GPATCH2: variants seen among roughly 807,000 people sequenced by gnomAD.
The protein encoded by GPATCH2 is G patch domain-containing protein 2.
A neutral mutation model predicts 58.0 loss-of-function variants in GPATCH2; 51 were observed. That is an observed-to-expected ratio of 0.88 (90% CI 0.70 to 1.11). The LOEUF (loss-of-function observed/expected upper bound fraction) is 1.11. Among genes scored for constraint, GPATCH2 ranks in the 50% most tolerant of loss-of-function variants. GPATCH2 has a pLI of 0.00. For missense variants in GPATCH2, 625 were observed against 652.2 expected (o/e 0.96, Z 0.45); for synonymous variants, 222 against 218.5 (o/e 1.02, Z -0.14).
At chr1:217,568,369 G>A (rs1246991743) in intron 5 of GPATCH2, among the ~76,000 whole-genome samples, 5 of 152,124 alleles carry the variant, frequency 3.3e-5, no homozygotes, top group Admixed American at 2.0e-4. Flanking sequence ...AAGGCCATGG[G>A]CACAGAGCTA....
chr1:217,557,967 T>C (rs1665727061), intron 5 of GPATCH2, among the ~76,000 whole-genome samples: 1 of 152,236 alleles, frequency 6.6e-6, no homozygotes, highest in Non-Finnish European at 1.5e-5. Context: ...TTCTGAATCA[T>C]GATCCACATC....
chr1:217,481,306 G>C (rs932904331), intron 8 of GPATCH2, among the ~76,000 whole-genome samples: 2 of 152,140 alleles, frequency 1.3e-5, no homozygotes, highest in Non-Finnish European at 2.9e-5. Context: ...AAAAATTAAA[G>C]TAAAACAAAT....
intron 5 of GPATCH2, among the ~76,000 whole-genome samples, chr1:217,577,875 G>A (rs1017580523): frequency 1.3e-5 from 2 of 151,918 alleles, no homozygotes; most frequent in African/African-American, 4.8e-5. Flanking sequence ...AGCCACCCGA[G>A]TAGCTGGGAT....
intron 5 of GPATCH2, among the ~76,000 whole-genome samples, chr1:217,564,706 A>G (rs574805307): frequency 6.6e-6 from 1 of 152,324 alleles, no homozygotes; most frequent in African/African-American, 2.4e-5. Flanking sequence ...GCTACAATCT[A>G]TTTCAGAAGT....
intron 1 of GPATCH2, among the ~76,000 whole-genome samples, chr1:217,626,010 G>A (rs185069102): frequency 2.2e-4 from 34 of 152,114 alleles, no homozygotes; most frequent in African/African-American, 6.3e-4. Flanking sequence ...TAGAACTCAA[G>A]GATAACTGAT....
intron 2 of GPATCH2, 104 bp from the exon 3 acceptor site, chr1:217,614,306 C>A (rs557662235): frequency 2.0e-5 from 13 of 665,510 alleles, no homozygotes; most frequent in South Asian, 3.7e-5. Context: ...TTAAGCCTGA[C>A]AAAGATCTGA....
chr1:217,515,777 A>G (rs1663109666), intron 5 of GPATCH2, among the ~76,000 whole-genome samples: 1 of 143,964 alleles, frequency 6.9e-6, no homozygotes, highest in Non-Finnish European at 1.5e-5. Context: ...TTAAAAAAAA[A>G]AAAGACCAGT....
intron 1 of GPATCH2, among the ~76,000 whole-genome samples, chr1:217,623,700 G>T (rs1429759665): frequency 6.6e-6 from 1 of 151,670 alleles, no homozygotes; most frequent in African/African-American, 2.4e-5. Flanking sequence ...TCAGGAATTT[G>T]AGACCAGCTT....
chr1:217,441,372 C>T (rs1402929701), intron 9 of GPATCH2, among the ~76,000 whole-genome samples: 1 of 151,980 alleles, frequency 6.6e-6, no homozygotes, highest in Non-Finnish European at 1.5e-5. Context: ...AAGAGTTAAA[C>T]GTAACATCTA....
chr1:217,584,063 T>C (rs929240787), intron 5 of GPATCH2, among the ~76,000 whole-genome samples: 5 of 151,668 alleles, frequency 3.3e-5, no homozygotes, highest in African/African-American at 1.2e-4. Context: ...AAATATAAGA[T>C]GAAAGGTGAG....
At chr1:217,521,496 C>T (rs1316499721) in intron 5 of GPATCH2, among the ~76,000 whole-genome samples, 1 of 151,944 alleles carries the variant, frequency 6.6e-6, no homozygotes, top group Non-Finnish European at 1.5e-5. Flanking sequence ...TTGCCTGTAA[C>T]TTCTGGGTAG....
At chr1:217,436,367 A>G (rs1446101773) in intron 9 of GPATCH2, among the ~76,000 whole-genome samples, 1 of 152,214 alleles carries the variant, frequency 6.6e-6, no homozygotes, top group African/African-American at 2.4e-5. Context: ...TCATTCAAAA[A>G]GGAAATTTTA....
chr1:217,615,042 T>C (rs1303245206), intron 2 of GPATCH2, among the ~76,000 whole-genome samples: 1 of 152,026 alleles, frequency 6.6e-6, no homozygotes, highest in Admixed American at 6.6e-5. Flanking sequence ...TCATGTATTT[T>C]ATTTTTACTG....
chr1:217,441,431 A>T lies in GPATCH2; in HGVS notation c.1366+7818T>A, dbSNP rs185313322. ...AACCTAGGCAATACCATTCAGGACA[A>T]AGGCATGGGCAAAGACTTCATGACT... On this transcript the variant is annotated intron_variant, in intron 9 of 9. Coordinates refer to ENST00000366935, the MANE Select transcript of GPATCH2 (RefSeq NM_018040.5). Among the ~76,000 whole-genome samples, 165 of 152,256 alleles carry T rather than the reference A, an allele frequency of 1.1e-3. 1 individual carries two copies. The highest frequency in any genetic ancestry group is 3.6e-3 in the African/African-American group (150 of 41,566).
intron 8 of GPATCH2, among the ~76,000 whole-genome samples, chr1:217,458,258 T>A (rs998092372): frequency 6.6e-6 from 1 of 152,158 alleles, no homozygotes; most frequent in Non-Finnish European, 1.5e-5. Context: ...TTCCTTCATA[T>A]GGTATGCTTC....
chr1:217,594,969 T>A (rs996121858), intron 5 of GPATCH2, among the ~76,000 whole-genome samples: 1 of 152,096 alleles, frequency 6.6e-6, no homozygotes, highest in Non-Finnish European at 1.5e-5. Flanking sequence ...CAAAGGAAAG[T>A]AAAGGCATTT....
intron 5 of GPATCH2, among the ~76,000 whole-genome samples, chr1:217,553,708 A>AT (rs1272649416): frequency 6.6e-6 from 1 of 152,212 alleles, no homozygotes; most frequent in Non-Finnish European, 1.5e-5. Flanking sequence ...GCCTCACATG[A>AT]TTCAAGGTTT....
intron 5 of GPATCH2, among the ~76,000 whole-genome samples, chr1:217,527,369 C>A (rs1663961694): frequency 6.6e-6 from 1 of 152,124 alleles, no homozygotes. Context: ...TATGTATAGT[C>A]ACCAGGTGAA....
intron 5 of GPATCH2, among the ~76,000 whole-genome samples, chr1:217,575,221 T>G (rs1037754941): frequency 6.6e-6 from 1 of 152,216 alleles, no homozygotes; most frequent in African/African-American, 2.4e-5. Flanking sequence ...TATGGTTTAC[T>G]GTTCTTTCCA....
Sources: allele counts gnomAD v4.1 joint callset (sites outside exome capture counted in the v4.1 genomes callset), GRCh38; gene constraint gnomAD v4.1.1; transcripts MANE v1.5; gene names NCBI Gene and HGNC (gene_info 2026-07-23, HGNC 2026-07-21).